The following PACS2 variants were observed in gnomAD, a reference collection of about 807,000 sequenced individuals.
PACS2 encodes PACS1-like protein.
Under a neutral mutation model 113.0 loss-of-function variants are expected in PACS2, and 36 were observed. That is an observed-to-expected ratio of 0.32 (90% CI 0.24 to 0.42). The LOEUF (loss-of-function observed/expected upper bound fraction) is 0.42. PACS2 is among the 10% of genes least tolerant of loss of function. PACS2 has a pLI of 1.00. For missense variants in PACS2, 1,015 were observed against 1,239.5 expected, an observed-to-expected ratio of 0.82 and a Z score of 2.72; for synonymous variants, 589 against 536.1, an observed-to-expected ratio of 1.10 and a Z score of -1.36.
At chr14:105,374,500 C>T (rs781829350) in intron 8 of PACS2, 5 of 152,150 alleles carry the variant, frequency 3.3e-5, no homozygotes, top group Non-Finnish European at 5.9e-5. Flanking sequence ...CTGAACTGTC[C>T]ATTGCTTTGA....
Position 105,317,928 on chromosome 14 carries a change from C to T in PACS2, c.119+2891C>T, listed in dbSNP as rs2058736454. On this transcript the variant is annotated intron_variant, in intron 1 of 24. Transcript: ENST00000447393. This position sits in a 1 kb window ranked among gnomAD's most constrained non-coding sequence, Gnocchi z 4.2. ...CCGGGTTTCCTTGCGACGCTTTTGG[C>T]TCAGCACTGTTACACACGGTGCTCC... is the stretch of plus-strand genomic sequence containing the variant. Among the ~76,000 whole-genome samples, 1 of 152,162 alleles carries T rather than the reference C, an allele frequency of 6.6e-6. No homozygotes were observed. The highest frequency in any genetic ancestry group is 6.5e-5 in the Admixed American group (1 of 15,278).
upstream of PACS2, among the ~76,000 whole-genome samples, chr14:105,312,224 AGGAAAGGCCTC>A (rs2058368075): frequency 1.3e-5 from 2 of 152,368 alleles, no homozygotes; most frequent in African/African-American, 4.8e-5. Flanking sequence ...AGGCGGACAG[AGGAAAGGCCTC>A]GGCCCATCCT....
Position 105,356,949 on chromosome 14 carries a change from C to T in PACS2, c.423+1772C>T, listed in dbSNP as rs977306478. On this transcript the variant is annotated intron_variant, in intron 4 of 24. Transcript: ENST00000447393. This position sits in a 1 kb window ranked among gnomAD's most constrained non-coding sequence, Gnocchi z 4.0. ...CAGGCGATGTCCTGCTGATCCCTGC[C>T]GGTCCCTGTGTTTCCCATTAGCCAT... 4.1e-5 allele frequency among the ~76,000 whole-genome samples: 6 copies of T among 146,880 alleles called. No individual in the cohort carries two copies. The highest frequency in any genetic ancestry group is 1.0e-4 in the African/African-American group (4 of 39,102).
At chr14:105,385,743 A>C (rs1306150379) in intron 19 of PACS2, 26 bp downstream of exon 19, 2 of 1,446,894 alleles carry the variant, frequency 1.4e-6, no homozygotes, top group Non-Finnish European at 1.8e-6. Context: ...TCTGCCTCCC[A>C]CCCTGTCTGT....
At position 105,376,713 on chromosome 14, in the gene PACS2, A is replaced by G. The variant is rs2080793292; in HGVS notation, c.802-55A>G. The G allele has an allele frequency of 6.3e-7, 1 of 1,576,166 alleles. No individual in the cohort carries two copies. Among genetic ancestry groups the G allele is most frequent in the South Asian group, 1.1e-5 (1 of 89,038 alleles). On this transcript the variant is annotated intron_variant, in intron 8 of 24. Transcript: ENST00000447393. This position sits in a 1 kb window ranked among gnomAD's most constrained non-coding sequence, Gnocchi z 4.7. ...AGACTCTGGGGTCTCGGGCGCCCCC[A>G]GTGGGGCAATGTGGGCTGCTGCAGG...
chr14:105,353,570 G>A (rs1445474402), intron 3 of PACS2, among the ~76,000 whole-genome samples: 3 of 152,066 alleles, frequency 2.0e-5, no homozygotes, highest in African/African-American at 7.2e-5. Flanking sequence ...TTGTTTATTA[G>A]GTTGAGTTTT....
chr14:105,385,039 C>A lies in PACS2; in HGVS notation c.2000+52C>A, dbSNP rs1566965480. On this transcript the variant is annotated intron_variant, in intron 18 of 24. Coordinates refer to ENST00000447393, the MANE Select transcript of PACS2 (RefSeq NM_001100913.3). ...CCACAGGCTGCCGCCAGCCACCAAC[C>A]CTCCGTGGGCCTCCCCACCCGCTGC... 3 of 1,087,164 alleles carry A rather than the reference C, an allele frequency of 2.8e-6. No individual in the cohort carries two copies. In the East Asian group the frequency reaches 7.7e-5, roughly 28 times the overall value. The allele number at this position is 1,087,164 out of a possible 1,614,324, so 67.3% of individuals were successfully genotyped here.
chr14:105,326,947 C>T (rs587752177), intron 1 of PACS2, among the ~76,000 whole-genome samples: 120 of 152,334 alleles, frequency 7.9e-4, no homozygotes, highest in Middle Eastern at 3.4e-3. Flanking sequence ...TCCTGTTTTT[C>T]CCACCTAGCT....
At chr14:105,334,719 C>A (rs1163307289) in intron 1 of PACS2, among the ~76,000 whole-genome samples, 1 of 152,252 alleles carries the variant, frequency 6.6e-6, no homozygotes, top group Non-Finnish European at 1.5e-5. Flanking sequence ...GTGCCCACAG[C>A]TGAGTTAGCC....
intron 9 of PACS2, among the ~76,000 whole-genome samples, chr14:105,378,513 G>A (rs193123843): frequency 1.3e-5 from 2 of 152,324 alleles, no homozygotes; most frequent in East Asian, 1.9e-4. Context: ...GGGCCCAAGC[G>A]GTTCTCCCAC....
chr14:105,338,392 C>T (rs1555400983), intron 1 of PACS2, among the ~76,000 whole-genome samples: 1 of 152,154 alleles, frequency 6.6e-6, no homozygotes, highest in Non-Finnish European at 1.5e-5. Context: ...TCCCGGAAGT[C>T]CCTGCCGAGG....
intron 1 of PACS2, among the ~76,000 whole-genome samples, chr14:105,327,275 G>A (rs1355480782): frequency 6.6e-6 from 1 of 152,204 alleles, no homozygotes; most frequent in Non-Finnish European, 1.5e-5. Flanking sequence ...CAGGAAGGTC[G>A]AGAGGCTGCA....
intron 1 of PACS2, among the ~76,000 whole-genome samples, chr14:105,339,847 T>G (rs969958473): frequency 4.6e-5 from 7 of 152,256 alleles, no homozygotes; most frequent in African/African-American, 1.7e-4. Context: ...TTTCACCATG[T>G]TGGCCAGGCT....
At chr14:105,334,240 G>A (rs587656957) in intron 1 of PACS2, among the ~76,000 whole-genome samples, 1 of 152,372 alleles carries the variant, frequency 6.6e-6, no homozygotes, top group Non-Finnish European at 1.5e-5. Context: ...AAGGGAGTGG[G>A]CCCCGGCTGC....
In PACS2 at chr14:105,352,477, T is replaced by C. The variant is rs782209893; in HGVS notation, c.297+10T>C. The C allele has an allele frequency of 1.9e-6, 3 of 1,562,370 alleles. No homozygotes were observed. Among genetic ancestry groups the C allele is most frequent in the Non-Finnish European group, 1.8e-6 (2 of 1,133,806 alleles). On this transcript the variant is annotated intron_variant, in intron 3 of 24. Coordinates refer to ENST00000447393, the MANE Select transcript of PACS2 (RefSeq NM_001100913.3). The stretch of plus-strand genomic sequence containing the variant: ...GACCTTCTCCTTGCAGGTGAGTCTT[T>C]CACCAGTGGTGACGACACCCTCATC...
At chr14:105,378,343 C>T (rs1022159594) in intron 9 of PACS2, among the ~76,000 whole-genome samples, 11 of 152,334 alleles carry the variant, frequency 7.2e-5, no homozygotes, top group African/African-American at 1.7e-4. Flanking sequence ...CAAGTTTCCA[C>T]GTGGGTTTGT....
At chr14:105,384,095 C>T (rs78758164) in intron 16 of PACS2, 14,881 of 497,456 alleles carry the variant, frequency 0.03, 1,668 homozygotes, top group African/African-American at 0.25. Flanking sequence ...TGCACGGTCA[C>T]ATGTGCCCTG....
chr14:105,307,227 C>T (rs1305253225), intron 1 of PACS2, among the ~76,000 whole-genome samples: 2 of 151,980 alleles, frequency 1.3e-5, no homozygotes, highest in Non-Finnish European at 2.9e-5. Context: ...CTTTGATATG[C>T]AGAGCAACCA....
chr14:105,322,179 G>T (rs927490505), intron 1 of PACS2, among the ~76,000 whole-genome samples: 1 of 150,736 alleles, frequency 6.6e-6, no homozygotes, highest in Non-Finnish European at 1.5e-5. Flanking sequence ...CTCGTGATCC[G>T]CCCGCCTTGG....
Sources: allele counts gnomAD v4.1 joint callset (sites outside exome capture counted in the v4.1 genomes callset), GRCh38; gene constraint gnomAD v4.1.1; non-coding constraint Gnocchi (gnomAD v3.1); transcripts MANE v1.5; gene names NCBI Gene and HGNC (gene_info 2026-07-23, HGNC 2026-07-21).